The following GRIA2 variants were observed in gnomAD, a reference collection of about 807,000 sequenced individuals.
GRIA2 encodes glutamate receptor 2.
A neutral mutation model predicts 97.3 loss-of-function variants in GRIA2; 14 were observed. The ratio of observed to expected loss-of-function variants is 0.14; its 90% CI spans 0.10 to 0.23. The LOEUF is 0.23. GRIA2 is among the 10% of genes least tolerant of loss of function. GRIA2 has a pLI of 1.00. For missense variants in GRIA2, 558 were observed against 1,069.8 expected (o/e 0.52, Z 6.67); for synonymous variants, 412 against 387.8 (o/e 1.06, Z -0.73).
At chr4:157,326,296 T>G (rs1457034583) in intron 6 of GRIA2, among the ~76,000 whole-genome samples, 1 of 152,204 alleles carries the variant, frequency 6.6e-6, no homozygotes, top group East Asian at 1.9e-4. Flanking sequence ...CATCAGGGTT[T>G]GTGCATCACC....
chr4:157,250,261 A>G (rs1220343025), intron 2 of GRIA2, among the ~76,000 whole-genome samples: 1 of 152,092 alleles, frequency 6.6e-6, no homozygotes, highest in Non-Finnish European at 1.5e-5. Context: ...ATTAAAGTTT[A>G]ACTTGATGAA....
At position 157,246,321 on chromosome 4, in the gene GRIA2, C is replaced by G. The variant is rs1352781932; in HGVS notation, c.229+24514C>G. Among the ~76,000 whole-genome samples the G allele has an allele frequency of 2.0e-5, 3 of 151,976 alleles. No homozygotes were observed. In the East Asian group the frequency reaches 5.8e-4, roughly 29 times the overall value. ...AAATTTGAATCACATGATATTGTCT[C>G]TATGAAAACATTTAATAACATTTTA... On this transcript the variant is annotated intron_variant, in intron 2 of 15. Coordinates refer to ENST00000264426, the MANE Select transcript of GRIA2 (RefSeq NM_001083619.3).
intron 2 of GRIA2, among the ~76,000 whole-genome samples, chr4:157,238,244 T>G (rs772413501): frequency 2.6e-5 from 4 of 152,176 alleles, no homozygotes; most frequent in African/African-American, 4.8e-5. Context: ...GCCTGCCTTA[T>G]GGTGCATGTC....
intron 6 of GRIA2, among the ~76,000 whole-genome samples, chr4:157,332,155 G>A (rs1437006139): frequency 1.3e-5 from 2 of 152,034 alleles, no homozygotes; most frequent in Non-Finnish European, 2.9e-5. Context: ...CCTAGGGCTT[G>A]GCCCTAGAAC....
intron 9 of GRIA2, chr4:157,335,416 T>G (rs1735237332): frequency 4.2e-6 from 2 of 470,916 alleles, no homozygotes; most frequent in South Asian, 2.3e-5. Context: ...ACAAAGAGTT[T>G]GTGGTTTTGA....
At chr4:157,252,386 T>C (rs1339487279) in intron 2 of GRIA2, among the ~76,000 whole-genome samples, 2 of 152,252 alleles carry the variant, frequency 1.3e-5, no homozygotes, top group Non-Finnish European at 2.9e-5. Context: ...ATTTATTTTT[T>C]AGAAGAATAA....
chr4:157,363,063 T>C lies in GRIA2; in HGVS notation c.*3+16T>C. ...AATTTAGGGGGTAGGAACGAGGCTC[T>C]AATACAAACTTTTTAGTGCACGTTT... On this transcript the variant is annotated intron_variant, in intron 15 of 15. Transcript: ENST00000264426. 1 of 1,591,086 alleles carries C rather than the reference T, an allele frequency of 6.3e-7. No individual in the cohort carries two copies. Among genetic ancestry groups the C allele is most frequent in the South Asian group, 1.1e-5 (1 of 88,188 alleles).
intron 2 of GRIA2, among the ~76,000 whole-genome samples, chr4:157,263,951 T>C (rs1731658586): frequency 6.6e-6 from 1 of 152,118 alleles, no homozygotes; most frequent in Admixed American, 6.6e-5. Flanking sequence ...TTTTGAACTT[T>C]ACTCTTAGTT....
chr4:157,355,389 G>C (rs914066244), intron 12 of GRIA2, among the ~76,000 whole-genome samples: 1 of 151,248 alleles, frequency 6.6e-6, no homozygotes, highest in African/African-American at 2.4e-5. Flanking sequence ...TTAGCCAGGC[G>C]TGGTGGCACG....
chr4:157,276,592 A>G (rs1732325216), intron 2 of GRIA2, among the ~76,000 whole-genome samples: 1 of 151,936 alleles, frequency 6.6e-6, no homozygotes. Flanking sequence ...TGAAACCAAA[A>G]GGTGTTTTTT....
intron 2 of GRIA2, among the ~76,000 whole-genome samples, chr4:157,280,788 A>G (rs1369946442): frequency 6.6e-6 from 1 of 152,024 alleles, no homozygotes; most frequent in Admixed American, 6.6e-5. Flanking sequence ...TAAGTCACAC[A>G]GTCGTAACTT....
At chr4:157,330,744 C>G (rs180756117) in intron 6 of GRIA2, among the ~76,000 whole-genome samples, 2 of 151,822 alleles carry the variant, frequency 1.3e-5, no homozygotes, top group African/African-American at 4.8e-5. Flanking sequence ...ACTGTAAAAA[C>G]GATTTCCCTG....
intron 4 of GRIA2, among the ~76,000 whole-genome samples, chr4:157,314,116 G>A (rs939927867): frequency 3.9e-5 from 6 of 152,008 alleles, no homozygotes; most frequent in African/African-American, 1.4e-4. Flanking sequence ...ATGTATAAGT[G>A]GATTCACACA....
At chr4:157,351,477 A>G (rs1736007799) in intron 12 of GRIA2, among the ~76,000 whole-genome samples, 1 of 152,214 alleles carries the variant, frequency 6.6e-6, no homozygotes, top group African/African-American at 2.4e-5. Context: ...ACCATTCGTA[A>G]GGTAATGAGA....
At chr4:157,277,993 TCCA>T (rs1175754862) in intron 2 of GRIA2, among the ~76,000 whole-genome samples, 2 of 150,508 alleles carry the variant, frequency 1.3e-5, no homozygotes, top group Non-Finnish European at 3.0e-5. Flanking sequence ...GGGAAGATAT[TCCA>T]TATTCATGGA....
intron 7 of GRIA2, 48 bp downstream of exon 7, chr4:157,333,034 T>A (rs1274348053): frequency 7.1e-7 from 1 of 1,413,482 alleles, no homozygotes. Context: ...TGGCCATTAA[T>A]GTTTTCTTCC....
At chr4:157,279,607 G>A (rs1732502198) in intron 2 of GRIA2, among the ~76,000 whole-genome samples, 1 of 152,016 alleles carries the variant, frequency 6.6e-6, no homozygotes. Flanking sequence ...TTCTTGATGA[G>A]TGCCTCTATT....
chr4:157,307,621 T>C (rs1733900062), intron 3 of GRIA2, among the ~76,000 whole-genome samples: 2 of 152,228 alleles, frequency 1.3e-5, no homozygotes, highest in African/African-American at 4.8e-5. Context: ...CAACATTATA[T>C]AATAGTTTTA....
chr4:157,234,276 T>C (rs1218601089), intron 2 of GRIA2, among the ~76,000 whole-genome samples: 1 of 152,094 alleles, frequency 6.6e-6, no homozygotes, highest in Non-Finnish European at 1.5e-5. Context: ...GCTCCGTGCT[T>C]ATAGGTGCAT....
Sources: allele counts gnomAD v4.1 joint callset (sites outside exome capture counted in the v4.1 genomes callset), GRCh38; gene constraint gnomAD v4.1.1; transcripts MANE v1.5; gene names NCBI Gene and HGNC (gene_info 2026-07-23, HGNC 2026-07-21).